The following DOCK9 variants were observed in gnomAD, a reference collection of about 807,000 sequenced individuals.
DOCK9 encodes the protein dedicator of cytokinesis 9.
Under a neutral mutation model 263.3 loss-of-function variants are expected in DOCK9, and 89 were observed. The observed-to-expected ratio is 0.34, with a 90% CI of 0.28 to 0.40. DOCK9 has a LOEUF of 0.40. Ranked by LOEUF, DOCK9 falls within the 10% of genes least tolerant of loss-of-function variation. The pLI is 1.00. For missense variants in DOCK9, 2,140 were observed against 2,603.4 expected, an observed-to-expected ratio of 0.82 and a Z score of 3.87; for synonymous variants, 976 against 973.1, an observed-to-expected ratio of 1.00 and a Z score of -0.06.
chr13:98,901,302 C>T lies in DOCK9; in HGVS notation c.1503+476G>A, dbSNP rs1272814381. 2.6e-5 allele frequency among the ~76,000 whole-genome samples: 4 copies of T among 152,180 alleles called. No homozygotes were observed. In the East Asian group the frequency reaches 5.8e-4, roughly 22 times the overall value. ...TCATGTATGTTTTCTTTCCATCTTC[C>T]ACCTAAAACTCTGCCCCTTCTAGCA... On this transcript the variant is annotated intron_variant, in intron 13 of 52. Coordinates refer to ENST00000682017, the MANE Select transcript of DOCK9 (RefSeq NM_001366683.2).
intron 7 of DOCK9, among the ~76,000 whole-genome samples, chr13:98,917,443 T>G (rs1317476049): frequency 1.3e-5 from 2 of 152,198 alleles, no homozygotes; most frequent in Non-Finnish European, 2.9e-5. Context: ...CTGGCACTCC[T>G]TACTTCACAG....
chr13:98,938,504 CAT>C (rs1298667141), intron 2 of DOCK9, among the ~76,000 whole-genome samples: 11 of 152,124 alleles, frequency 7.2e-5, no homozygotes, highest in Non-Finnish European at 1.6e-4. Context: ...GAAACTAAAA[CAT>C]AAAAGGCATC....
chr13:98,989,346 G>GATAATAATA (rs777442315), intron 1 of DOCK9, among the ~76,000 whole-genome samples: 31 of 60,064 alleles, frequency 5.2e-4, no homozygotes, highest in East Asian at 2.0e-3. Flanking sequence ...TGATGATGAT[G>GATAATAATA]ATAATAATAA....
intron 37 of DOCK9, chr13:98,846,953 C>T: frequency 5.1e-6 from 1 of 195,766 alleles, no homozygotes; most frequent in Middle Eastern, 2.0e-3. Context: ...AAAGTCACAT[C>T]ATCTCCACTC....
chr13:99,086,520 G>T, exon 1 of DOCK9: 1 of 268,276 alleles, frequency 3.7e-6, no homozygotes, highest in Non-Finnish European at 5.7e-6. Context: ...AGCCCAGGCC[G>T]CGCCCTCTGC....
At chr13:98,948,739 T>G (rs1276549678) in intron 2 of DOCK9, among the ~76,000 whole-genome samples, 1 of 152,190 alleles carries the variant, frequency 6.6e-6, no homozygotes, top group Non-Finnish European at 1.5e-5. Context: ...GTAACCAGCA[T>G]TCTACTTTCT....
At chr13:98,913,314 G>A (rs1001724128) in intron 9 of DOCK9, among the ~76,000 whole-genome samples, 5 of 152,142 alleles carry the variant, frequency 3.3e-5, no homozygotes, top group African/African-American at 1.2e-4. Context: ...CAGAGTAAGA[G>A]TGCAAAGGGC....
chr13:98,925,992 G>T (rs2052887636), intron 3 of DOCK9, 73 bp from the exon 4 acceptor site: 3 of 1,279,656 alleles, frequency 2.3e-6, no homozygotes, highest in Non-Finnish European at 1.1e-6. Context: ...ACTTGGGAAA[G>T]TTTGTGAAGG....
chr13:98,934,104 C>A (rs1324345037), intron 2 of DOCK9, among the ~76,000 whole-genome samples: 5 of 151,972 alleles, frequency 3.3e-5, no homozygotes, highest in Non-Finnish European at 7.4e-5. Flanking sequence ...GGGGTCTCAC[C>A]ATTTTGTCCA....
chr13:98,902,216 G>A, intron 12 of DOCK9, 72 bp downstream of exon 12: 4 of 1,521,070 alleles, frequency 2.6e-6, no homozygotes, highest in East Asian at 4.6e-5. Flanking sequence ...TCTAATTTGA[G>A]CATTTTTGGT....
chr13:98,837,523 T>A lies in DOCK9; in HGVS notation c.4285A>T (p.Thr1429Ser). The A allele has an allele frequency of 6.2e-7, 1 of 1,613,000 alleles. No individual in the cohort carries two copies. The highest frequency in any genetic ancestry group is 8.5e-7 in the Non-Finnish European group (1 of 1,179,314). ...ATEVCLTALDTLSLFTLAFKN... is the reference protein window; with the variant it reads ...ATEVCLTALDSLSLFTLAFKN... Reference sequence around the variant, plus strand: ...AACGCCAATGTAAATAGAGAAAGCGTGTCCAGAGCTGTCAGGCAAACCTCA... The same window carrying A: ...AACGCCAATGTAAATAGAGAAAGCGAGTCCAGAGCTGTCAGGCAAACCTCA... The change falls in exon 39 of 53, where the codon ACG (threonine) becomes TCG (serine). Residue 1429 changes from threonine (T) to serine (S), a missense_variant. This residue lies in a region of DOCK9 where 1,521 missense variants were observed against 1,741.7 expected (regional missense o/e 0.87). Coordinates refer to ENST00000682017, the MANE Select transcript of DOCK9 (RefSeq NM_001366683.2).
intron 14 of DOCK9, 74 bp downstream of exon 14, chr13:98,898,104 CA>C: frequency 4.9e-6 from 5 of 1,011,372 alleles, no homozygotes; most frequent in Non-Finnish European, 7.4e-6. Context: ...CTCTGAACAA[CA>C]AACAGAATAG....
chr13:98,809,285 TTTTG>T, intron 47 of DOCK9, 63 bp downstream of exon 47: 2 of 1,366,384 alleles, frequency 1.5e-6, no homozygotes, highest in Non-Finnish European at 2.0e-6. Context: ...ATAGTTTTTT[TTTTG>T]TTTTTGTTTT....
chr13:98,983,545 G>A (rs1877731026), intron 1 of DOCK9, among the ~76,000 whole-genome samples: 1 of 151,992 alleles, frequency 6.6e-6, no homozygotes, highest in Admixed American at 6.6e-5. Flanking sequence ...CAACCCTTAG[G>A]GCCTCTTAGA....
intron 4 of DOCK9, among the ~76,000 whole-genome samples, 174 bp from the exon 5 acceptor site, chr13:98,923,545 A>G (rs1032396649): frequency 1.3e-5 from 2 of 152,204 alleles, no homozygotes; most frequent in Non-Finnish European, 2.9e-5. Flanking sequence ...TGGGTAAGCC[A>G]AGAGACTTGA....
intron 39 of DOCK9, chr13:98,834,445 A>G (rs1436314022): frequency 6.6e-6 from 1 of 152,228 alleles, no homozygotes. Flanking sequence ...TGTGCAAAGC[A>G]GATCACAAGC....
At chr13:98,965,035 G>A (rs979462004) in intron 1 of DOCK9, among the ~76,000 whole-genome samples, 2 of 152,166 alleles carry the variant, frequency 1.3e-5, no homozygotes, top group Admixed American at 1.3e-4. Context: ...TTCATTTGAG[G>A]GGGTACCAAT....
At chr13:99,081,461 C>T (rs76804861) in intron 1 of DOCK9, among the ~76,000 whole-genome samples, 1 of 152,120 alleles carries the variant, frequency 6.6e-6, no homozygotes, top group Non-Finnish European at 1.5e-5. Flanking sequence ...CTGGCAAGTG[C>T]TTGACATCGA....
In DOCK9 at chr13:98,882,799, G is replaced by A. The variant is rs190991112; in HGVS notation, c.2559+243C>T. Among the ~76,000 whole-genome samples the A allele has an allele frequency of 8.5e-4, 130 of 152,268 alleles. 1 individual carries two copies. Among genetic ancestry groups the A allele is most frequent in the African/African-American group, 2.7e-3 (110 of 41,498 alleles). On this transcript the variant is annotated intron_variant, in intron 23 of 52. Transcript: ENST00000682017. ...GTCTCAAGTGAGGGGTTTTCCATGC[G>A]TGAGAAACAGTATGTTTTAGAGATC...
Sources: allele counts gnomAD v4.1 joint callset (sites outside exome capture counted in the v4.1 genomes callset), GRCh38; gene constraint gnomAD v4.1.1; regional missense constraint gnomAD v4.1.1; transcripts MANE v1.5; gene names NCBI Gene and HGNC (gene_info 2026-07-23, HGNC 2026-07-21).